The following HIF1A variants were observed in gnomAD, a reference collection of about 807,000 sequenced individuals.
The protein encoded by HIF1A is hypoxia inducible factor 1 subunit alpha, also known as hypoxia-inducible factor 1-alpha.
In HIF1A, 24 loss-of-function variants were observed where a neutral mutation model predicts 92.7. That is an observed-to-expected ratio of 0.26 (90% CI 0.19 to 0.36). The LOEUF (loss-of-function observed/expected upper bound fraction) is 0.36. HIF1A is among the 10% of genes least tolerant of loss of function. The pLI, the probability that HIF1A is intolerant of heterozygous loss-of-function variation, is 1.00. For missense variants in HIF1A, 799 were observed against 998.5 expected, an observed-to-expected ratio of 0.80 and a Z score of 2.69; for synonymous variants, 319 against 338.7, an observed-to-expected ratio of 0.94 and a Z score of 0.64.
chr14:61,707,454 C>T (rs1029771285), intron 1 of HIF1A, among the ~76,000 whole-genome samples: 3 of 152,232 alleles, frequency 2.0e-5, no homozygotes, highest in South Asian at 4.1e-4. Context: ...TATCCCTCCC[C>T]GCTCCCCCCA....
Position 61,734,118 on chromosome 14 carries a change from C to A in HIF1A, c.881-20C>A, listed in dbSNP as rs945519303. 2 of 1,496,190 alleles carry A rather than the reference C, an allele frequency of 1.3e-6. No individual in the cohort carries two copies. Among genetic ancestry groups the A allele is most frequent in the African/African-American group, 1.4e-5 (1 of 70,332 alleles). 92.7% of individuals were successfully genotyped at this position (1,496,190 alleles called of 1,614,324 possible). On this transcript the variant is annotated intron_variant, in intron 7 of 14. Transcript: ENST00000337138. ...GTTAAAATATTTTCTCTGCATGATTCTTTTTCTTTTCCCCCCTAGTGTTTA... is the reference window on the plus strand; with the variant it reads ...GTTAAAATATTTTCTCTGCATGATTATTTTTCTTTTCCCCCCTAGTGTTTA...
At chr14:61,730,751 G>GT (rs1411739961) in intron 6 of HIF1A, among the ~76,000 whole-genome samples, 1 of 152,130 alleles carries the variant, frequency 6.6e-6, no homozygotes. Flanking sequence ...CACGTATTGA[G>GT]TTTTGTCTTT....
intron 8 of HIF1A, 133 bp from the exon 9 acceptor site, chr14:61,736,756 C>A: frequency 1.6e-6 from 1 of 632,704 alleles, no homozygotes; most frequent in Non-Finnish European, 2.8e-6. Context: ...CATGAGTGAT[C>A]ATGCATCTCA....
intron 12 of HIF1A, among the ~76,000 whole-genome samples, chr14:61,741,490 C>G (rs890303039): frequency 1.3e-4 from 19 of 151,640 alleles, no homozygotes; most frequent in African/African-American, 4.4e-4. Context: ...CTCAGCCTCC[C>G]GAGTAGCTGG....
intron 5 of HIF1A, 66 bp downstream of exon 5, chr14:61,726,884 T>TA (rs1308577110): frequency 1.1e-6 from 1 of 906,742 alleles, no homozygotes; most frequent in Admixed American, 2.7e-5. Flanking sequence ...AGTATTAAGA[T>TA]AACTTTAGAA....
At chr14:61,703,084 A>G (rs749830389) in intron 1 of HIF1A, among the ~76,000 whole-genome samples, 1 of 152,174 alleles carries the variant, frequency 6.6e-6, no homozygotes, top group Non-Finnish European at 1.5e-5. Context: ...TATCAAACCT[A>G]TTCTCAAAAA....
At chr14:61,734,586 A>G (rs144243003) in intron 8 of HIF1A, among the ~76,000 whole-genome samples, 2,115 of 152,320 alleles carry the variant, frequency 0.014, 21 homozygotes, top group Non-Finnish European at 0.02. Flanking sequence ...AGATATCGGC[A>G]TATACTATCT....
At chr14:61,740,698 G>A (rs2044698730) in intron 11 of HIF1A, 57 bp from the exon 12 acceptor site, 1 of 1,546,246 alleles carries the variant, frequency 6.5e-7, no homozygotes, top group Non-Finnish European at 8.7e-7. Context: ...AGTTTCACTT[G>A]TTTTTTATTT....
intron 4 of HIF1A, among the ~76,000 whole-genome samples, chr14:61,725,557 G>A (rs139419205): frequency 3.5e-4 from 53 of 152,148 alleles, no homozygotes; most frequent in African/African-American, 1.2e-3. Flanking sequence ...TGGGATTATA[G>A]GCATGTGCCA....
intron 13 of HIF1A, among the ~76,000 whole-genome samples, chr14:61,745,182 T>C (rs1410159980): frequency 1.3e-5 from 2 of 152,168 alleles, no homozygotes; most frequent in East Asian, 1.9e-4. Context: ...CCCAGCACTT[T>C]GGGAGGCCAA....
chr14:61,748,049 T>G lies in HIF1A; in HGVS notation c.*964T>G, dbSNP rs573160553. ...ATACAATGTTTGATTTTATGCACTT[T>G]GTCGCTATTAACATCCTTTTTTTCA... On this transcript the variant is annotated 3_prime_UTR_variant, in exon 15 of 15. Coordinates refer to ENST00000337138, the MANE Select transcript of HIF1A (RefSeq NM_001530.4). 5 of 152,732 alleles carry G rather than the reference T, an allele frequency of 3.3e-5. No homozygotes were observed. The South Asian group carries it at 1.0e-3, about 32-fold the overall frequency. The allele number at this position is 152,732 out of a possible 1,614,324, so 9.5% of individuals were successfully genotyped here.
chr14:61,741,522 C>A lies in HIF1A; in HGVS notation c.2093+334C>A, dbSNP rs193015276. Among the ~76,000 whole-genome samples, 37 of 151,806 alleles carry A rather than the reference C, an allele frequency of 2.4e-4. 1 individual carries two copies. The East Asian group carries it at 6.8e-3, about 28-fold the overall frequency. On this transcript the variant is annotated intron_variant, in intron 12 of 14. Coordinates refer to ENST00000337138, the MANE Select transcript of HIF1A (RefSeq NM_001530.4). ...CTGGGATTACAGGCATGCACCACCA[C>A]GCCCGGCTGATTTTTTTGGTATTTT... is the stretch of plus-strand genomic sequence containing the variant.
At chr14:61,737,131 TC>T in intron 9 of HIF1A, 22 bp downstream of exon 9, 1 of 1,542,950 alleles carries the variant, frequency 6.5e-7, no homozygotes, top group Non-Finnish European at 9.0e-7. Context: ...TTTTTGTTAA[TC>T]CCCTAAATTG....
intron 13 of HIF1A, 46 bp downstream of exon 13, chr14:61,744,859 TCGTGTG>T: frequency 1.3e-6 from 1 of 755,838 alleles, no homozygotes; most frequent in South Asian, 1.5e-5. Context: ...ATGTGCTATT[TCGTGTG>T]TGTGTGTGTG....
chr14:61,734,363 G>A (rs373707468), intron 8 of HIF1A, 78 bp downstream of exon 8: 1 of 949,356 alleles, frequency 1.1e-6, no homozygotes, highest in Non-Finnish European at 1.6e-6. Context: ...TTTATAGGAA[G>A]ATAAGATAAT....
At chr14:61,730,636 T>C (rs1199943224) in intron 6 of HIF1A, among the ~76,000 whole-genome samples, 1 of 152,220 alleles carries the variant, frequency 6.6e-6, no homozygotes, top group African/African-American at 2.4e-5. Context: ...CTGTTCCTCA[T>C]TCTACCATTC....
At chr14:61,740,361 G>A (rs943562524) in intron 10 of HIF1A, 144 bp from the exon 11 acceptor site, 14 of 603,066 alleles carry the variant, frequency 2.3e-5, no homozygotes, top group South Asian at 4.8e-5. Context: ...CACTGAGCCC[G>A]GCCTAGTTAA....
intron 8 of HIF1A, among the ~76,000 whole-genome samples, chr14:61,735,083 G>T (rs1220541401): frequency 6.6e-6 from 1 of 152,084 alleles, no homozygotes; most frequent in Non-Finnish European, 1.5e-5. Context: ...TAGTCTACCT[G>T]TCCACATTAT....
At chr14:61,699,280 C>T (rs901136460) in intron 1 of HIF1A, among the ~76,000 whole-genome samples, 3 of 152,182 alleles carry the variant, frequency 2.0e-5, no homozygotes, top group African/African-American at 7.2e-5. Context: ...GCACCTTGTG[C>T]AGTTTGGAGA....
Sources: gnomAD v4.1 joint callset for allele counts (sites outside exome capture counted in the v4.1 genomes callset) on GRCh38, gnomAD v4.1.1 for gene constraint, MANE v1.5 for transcripts, NCBI Gene and HGNC (gene_info 2026-07-23, HGNC 2026-07-21) for gene names.